The following TBC1D4 variants were observed in gnomAD, a reference collection of about 807,000 sequenced individuals.
TBC1D4 encodes the protein TBC1 domain family member 4, also known as TBC (Tre-2, BUB2, CDC16) domain-containing protein.
A neutral mutation model predicts 142.5 loss-of-function variants in TBC1D4; 121 were observed. The ratio of observed to expected loss-of-function variants is 0.85; its 90% CI spans 0.73 to 0.99. TBC1D4 has a LOEUF of 0.99. Ranked by LOEUF, TBC1D4 falls within the 50% of genes least tolerant of loss-of-function variation. The probability of loss-of-function intolerance (pLI) is 0.00; values close to 1 mark genes in which losing one functional copy is unlikely to be tolerated. For synonymous variants in TBC1D4, 630 were observed against 628.2 expected, an observed-to-expected ratio of 1.00 and a Z score of -0.04; for missense variants, 1,475 against 1,606.6, an observed-to-expected ratio of 0.92 and a Z score of 1.40.
At chr13:75,359,260 C>G (rs902269777) in intron 3 of TBC1D4, among the ~76,000 whole-genome samples, 10 of 152,150 alleles carry the variant, frequency 6.6e-5, no homozygotes, top group African/African-American at 2.4e-4. Flanking sequence ...TTTTAAAAAA[C>G]ATTTAAATAC....
intron 1 of TBC1D4, among the ~76,000 whole-genome samples, chr13:75,410,198 T>C (rs2138393956): frequency 1.3e-5 from 2 of 152,288 alleles, no homozygotes; most frequent in South Asian, 2.1e-4. Context: ...TCACATCACG[T>C]CCTCTTTAAA....
intron 1 of TBC1D4, among the ~76,000 whole-genome samples, chr13:75,445,975 G>GA (rs1220049101): frequency 2.0e-5 from 3 of 152,078 alleles, no homozygotes; most frequent in Non-Finnish European, 2.9e-5. Flanking sequence ...GACATCTTTT[G>GA]AAAAAAAATT....
intron 12 of TBC1D4, among the ~76,000 whole-genome samples, chr13:75,315,319 C>A (rs1302310012): frequency 1.4e-5 from 2 of 147,306 alleles, no homozygotes; most frequent in Non-Finnish European, 3.0e-5. Context: ...AAAAACAAAA[C>A]AAAACAAAAC....
intron 1 of TBC1D4, among the ~76,000 whole-genome samples, chr13:75,419,788 T>C: frequency 6.6e-6 from 1 of 152,204 alleles, no homozygotes; most frequent in East Asian, 1.9e-4. Flanking sequence ...GATTCCACAC[T>C]ACATGCTATG....
At chr13:75,351,985 T>A (rs1881643068) in intron 4 of TBC1D4, among the ~76,000 whole-genome samples, 1 of 152,262 alleles carries the variant, frequency 6.6e-6, no homozygotes, top group Non-Finnish European at 1.5e-5. Context: ...ATACTACGTG[T>A]AAATTCTCAC....
intron 1 of TBC1D4, among the ~76,000 whole-genome samples, chr13:75,429,738 T>G (rs969363681): frequency 2.6e-5 from 4 of 151,314 alleles, no homozygotes; most frequent in African/African-American, 9.7e-5. Context: ...TGGAAAAAAT[T>G]TAGGAAGAAA....
At chr13:75,389,212 C>T (rs771696247) in intron 1 of TBC1D4, among the ~76,000 whole-genome samples, 22 of 152,166 alleles carry the variant, frequency 1.4e-4, no homozygotes, top group Non-Finnish European at 2.8e-4. Flanking sequence ...TAAAACAGGA[C>T]GGCACTCTGC....
chr13:75,345,439 AC>A (rs1566405230), intron 5 of TBC1D4, among the ~76,000 whole-genome samples: 1 of 152,154 alleles, frequency 6.6e-6, no homozygotes, highest in Non-Finnish European at 1.5e-5. Flanking sequence ...TAGGAAAACA[AC>A]CCTGAGTGAC....
chr13:75,362,575 T>A lies in TBC1D4; in HGVS notation c.531A>T (p.Leu177Phe). The change falls in exon 2 of 21, where the codon TTA becomes TTT. Residue 177 changes from leucine (L) to phenylalanine (F), a missense_variant. This residue lies in a region of TBC1D4 where 1,227 missense variants were observed against 1,267.7 expected (regional missense o/e 0.97). Transcript: ENST00000377636. This position sits in a 1 kb window ranked among gnomAD's most constrained non-coding sequence, Gnocchi z 4.2. ...VPDVISSIRQ[L>F]SKAAMKEDAK... ...CATCCTCTTTCATGGCCGCTTTAGA[T>A]AATTGCCTTATGCTGCTAATAACAT... The A allele has an allele frequency of 6.2e-7, 1 of 1,614,178 alleles. No individual in the cohort carries two copies. The highest frequency in any genetic ancestry group is 8.5e-7 in the Non-Finnish European group (1 of 1,180,010).
intron 14 of TBC1D4, among the ~76,000 whole-genome samples, chr13:75,308,987 C>T (rs537983720): frequency 6.6e-6 from 1 of 152,128 alleles, no homozygotes; most frequent in South Asian, 2.1e-4. Flanking sequence ...ATGATAAAGT[C>T]AGAAATGTGG....
intron 1 of TBC1D4, among the ~76,000 whole-genome samples, chr13:75,445,616 G>C (rs1887248173): frequency 6.6e-6 from 1 of 152,082 alleles, no homozygotes; most frequent in Non-Finnish European, 1.5e-5. Context: ...GGTAATACTA[G>C]TTTCATCTAA....
At chr13:75,461,288 A>C (rs1223429828) in intron 1 of TBC1D4, among the ~76,000 whole-genome samples, 1 of 152,234 alleles carries the variant, frequency 6.6e-6, no homozygotes, top group Non-Finnish European at 1.5e-5. Flanking sequence ...AAGAAATGCA[A>C]GTAAGGGCTT....
At position 75,327,738 on chromosome 13, in the gene TBC1D4, C is replaced by T. The variant is rs371149362; in HGVS notation, c.1806+14G>A. 1 of 1,613,834 alleles carries T rather than the reference C, an allele frequency of 6.2e-7. No individual in the cohort carries two copies. The highest frequency in any genetic ancestry group is 1.3e-5 in the African/African-American group (1 of 75,046). ...TTAAGTTGCAATTAGTGTAAACAAG[C>T]TCTAGTTAGATACCTTCTCTGAAGC... On this transcript the variant is annotated intron_variant, in intron 9 of 20. Coordinates refer to ENST00000377636, the MANE Select transcript of TBC1D4 (RefSeq NM_014832.5).
chr13:75,347,632 G>C (rs998584230), intron 5 of TBC1D4, among the ~76,000 whole-genome samples: 7 of 152,092 alleles, frequency 4.6e-5, no homozygotes, highest in Non-Finnish European at 7.3e-5. Context: ...GTATTACTAA[G>C]CAGGATGAAT....
intron 1 of TBC1D4, among the ~76,000 whole-genome samples, chr13:75,470,758 G>C (rs1458682158): frequency 2.0e-5 from 3 of 152,172 alleles, no homozygotes; most frequent in African/African-American, 7.2e-5. Flanking sequence ...GGCCAAGGCA[G>C]GTGGATCACC....
At chr13:75,287,416 A>G (rs1566335141) in intron 20 of TBC1D4, among the ~76,000 whole-genome samples, 1 of 152,144 alleles carries the variant, frequency 6.6e-6, no homozygotes, top group Non-Finnish European at 1.5e-5. Context: ...TTCTCTAAAC[A>G]TACACTTGGG....
intron 1 of TBC1D4, among the ~76,000 whole-genome samples, chr13:75,420,750 T>A (rs899299824): frequency 2.6e-5 from 4 of 152,116 alleles, no homozygotes; most frequent in Non-Finnish European, 5.9e-5. Context: ...TTACACCAAA[T>A]GTAGTGGGGT....
intron 8 of TBC1D4, among the ~76,000 whole-genome samples, chr13:75,329,273 T>G (rs1879542314): frequency 6.6e-6 from 1 of 152,144 alleles, no homozygotes; most frequent in Non-Finnish European, 1.5e-5. Context: ...ACCTCATATC[T>G]TATATATTTT....
intron 1 of TBC1D4, among the ~76,000 whole-genome samples, chr13:75,403,059 G>C (rs1225739883): frequency 6.6e-6 from 1 of 152,198 alleles, no homozygotes; most frequent in African/African-American, 2.4e-5. Context: ...CGTGCTCCTG[G>C]GCCCCTCTCT....
Sources: allele counts gnomAD v4.1 joint callset (sites outside exome capture counted in the v4.1 genomes callset), GRCh38; gene constraint gnomAD v4.1.1; regional missense constraint gnomAD v4.1.1; non-coding constraint Gnocchi (gnomAD v3.1); transcripts MANE v1.5; gene names NCBI Gene and HGNC (gene_info 2026-07-23, HGNC 2026-07-21).